The following MET variants were observed in gnomAD, a reference collection of about 807,000 sequenced individuals.
MET encodes MET proto-oncogene, receptor tyrosine kinase.
A neutral mutation model predicts 133.1 loss-of-function variants in MET; 48 were observed. The observed-to-expected ratio is 0.36, with a 90% CI of 0.29 to 0.46. MET has a LOEUF of 0.46. Among genes scored for constraint, MET ranks in the 20% least tolerant of loss-of-function variants. MET has a pLI of 1.00. For synonymous variants in MET, 628 were observed against 616.5 expected (o/e 1.02, Z -0.28); for missense variants, 1,442 against 1,695.9 (o/e 0.85, Z 2.63).
intron 4 of MET, 75 bp from the exon 5 acceptor site, chr7:116,740,777 T>C (rs1584922941): frequency 1.3e-6 from 2 of 1,554,148 alleles, no homozygotes; most frequent in Admixed American, 3.3e-5. Context: ...CATGTACCTT[T>C]TGTGTACTTA....
chr7:116,786,842 G>C (rs1189153016), intron 19 of MET, among the ~76,000 whole-genome samples: 1 of 152,214 alleles, frequency 6.6e-6, no homozygotes, highest in Non-Finnish European at 1.5e-5. Context: ...TTTGAGAGAT[G>C]ATGGGTCAGA....
At chr7:116,693,632 C>T (rs1319194264) in intron 1 of MET, among the ~76,000 whole-genome samples, 3 of 152,218 alleles carry the variant, frequency 2.0e-5, no homozygotes, top group Admixed American at 2.0e-4. Context: ...ACGTGACTTT[C>T]TGTCCTAGTT....
chr7:116,702,872 C>A (rs1196804729), intron 2 of MET, among the ~76,000 whole-genome samples: 1 of 152,090 alleles, frequency 6.6e-6, no homozygotes, highest in African/African-American at 2.4e-5. Flanking sequence ...ATCACAAGAT[C>A]AGATAATGGG....
chr7:116,714,194 G>T (rs1045962858), intron 2 of MET, among the ~76,000 whole-genome samples: 1 of 152,178 alleles, frequency 6.6e-6, no homozygotes, highest in East Asian at 1.9e-4. Flanking sequence ...CTTAGGAAAT[G>T]ATGATAAAGA....
At chr7:116,767,925 C>T (rs1794682999) in intron 11 of MET, among the ~76,000 whole-genome samples, 1 of 149,514 alleles carries the variant, frequency 6.7e-6, no homozygotes, top group East Asian at 2.0e-4. Context: ...ACCAGTATCA[C>T]TTTTGTAATA....
Position 116,739,952 on chromosome 7 carries a change from T to C in MET, c.1395T>C (p.Val465=), listed in dbSNP as rs1330537117. 6.2e-7 allele frequency: 1 copy of C among 1,614,132 alleles called. No individual in the cohort carries two copies. The highest frequency in any genetic ancestry group is 1.7e-5 in the Admixed American group (1 of 60,034). The change falls in exon 4 of 21, where the codon GTT becomes GTC. Residue 465 remains valine (V), a splice_region_variant and synonymous_variant. Transcript: ENST00000397752. The stretch of plus-strand genomic sequence containing the variant: ...GTTATAACTTTTTTGCTGTTTAGGT[T>C]GTGGTTTCTCGATCAGGACCATCAA... The part of the protein sequence containing the change: ...LGTSEGRFMQ[V]VVSRSGPSTP...
At chr7:116,753,844 A>G (rs1259595147) in intron 5 of MET, among the ~76,000 whole-genome samples, 1 of 152,242 alleles carries the variant, frequency 6.6e-6, no homozygotes, top group East Asian at 1.9e-4. Flanking sequence ...TTCAGTCATT[A>G]ATAAATGTGA....
intron 6 of MET, among the ~76,000 whole-genome samples, chr7:116,756,126 T>C (rs546073297): frequency 6.6e-6 from 1 of 152,334 alleles, no homozygotes; most frequent in Admixed American, 6.5e-5. Flanking sequence ...AGATGAAGTG[T>C]GGCTTCACAG....
chr7:116,787,067 G>A (rs1211916104), intron 19 of MET, among the ~76,000 whole-genome samples: 1 of 152,196 alleles, frequency 6.6e-6, no homozygotes, highest in Non-Finnish European at 1.5e-5. Context: ...TAGGTCATAG[G>A]TCATGGTGGA....
intron 2 of MET, among the ~76,000 whole-genome samples, chr7:116,719,995 A>G (rs1792414955): frequency 6.6e-6 from 1 of 151,314 alleles, no homozygotes; most frequent in Non-Finnish European, 1.5e-5. Flanking sequence ...TTCCATATGA[A>G]CTTTAAAGTA....
chr7:116,740,347 A>C (rs1300390885), intron 4 of MET, among the ~76,000 whole-genome samples: 1 of 152,206 alleles, frequency 6.6e-6, no homozygotes, highest in Non-Finnish European at 1.5e-5. Context: ...ACACAGAATG[A>C]GAATTACAGT....
chr7:116,759,014 CT>C (rs1450448149), intron 9 of MET, among the ~76,000 whole-genome samples: 1 of 152,144 alleles, frequency 6.6e-6, no homozygotes, highest in Admixed American at 6.5e-5. Context: ...CACAGCTTTT[CT>C]TTATGCCAGA....
intron 2 of MET, among the ~76,000 whole-genome samples, chr7:116,707,703 T>C (rs1170192752): frequency 6.6e-6 from 1 of 152,160 alleles, no homozygotes; most frequent in South Asian, 2.1e-4. Context: ...ACAGATTAAA[T>C]TGGTCTGTTA....
At chr7:116,690,231 G>A (rs1796731854) in intron 1 of MET, among the ~76,000 whole-genome samples, 1 of 152,072 alleles carries the variant, frequency 6.6e-6, no homozygotes, top group Non-Finnish European at 1.5e-5. Context: ...ATAACTGAAG[G>A]ACAGTGTTTC....
At chr7:116,716,479 AAG>A (rs1792225897) in intron 2 of MET, among the ~76,000 whole-genome samples, 2 of 105,792 alleles carry the variant, frequency 1.9e-5, no homozygotes, top group East Asian at 6.0e-4. Context: ...GAAAGAAAGA[AAG>A]AAAGAAAGAA....
chr7:116,716,029 T>C (rs910716594), intron 2 of MET, among the ~76,000 whole-genome samples: 1 of 152,060 alleles, frequency 6.6e-6, no homozygotes, highest in African/African-American at 2.4e-5. Flanking sequence ...GGTGGAAGGA[T>C]TGCTAGAGCC....
chr7:116,732,010 T>G (rs1793030595), intron 3 of MET, 151 bp downstream of exon 3: 3 of 750,458 alleles, frequency 4.0e-6, no homozygotes, highest in Admixed American at 2.1e-5. Flanking sequence ...CAATGAAGCC[T>G]GGTCTACTTT....
intron 2 of MET, among the ~76,000 whole-genome samples, chr7:116,722,394 T>A (rs1454342760): frequency 6.6e-6 from 1 of 150,454 alleles, no homozygotes; most frequent in Non-Finnish European, 1.5e-5. Context: ...TGAGATGGGT[T>A]TCCTGAATAC....
At chr7:116,733,019 T>C (rs1188105869) in intron 3 of MET, among the ~76,000 whole-genome samples, 2 of 152,126 alleles carry the variant, frequency 1.3e-5, no homozygotes, top group South Asian at 4.1e-4. Flanking sequence ...AACTACGCCT[T>C]TTCTCCCCCT....
Sources: allele counts gnomAD v4.1 joint callset (sites outside exome capture counted in the v4.1 genomes callset), GRCh38; gene constraint gnomAD v4.1.1; transcripts MANE v1.5; gene names NCBI Gene and HGNC (gene_info 2026-07-23, HGNC 2026-07-21).